PNPLA3: variants seen among roughly 807,000 people sequenced by gnomAD.
The protein encoded by PNPLA3 is patatin like domain 3, 1-acylglycerol-3-phosphate O-acyltransferase, also known as 1-acylglycerol-3-phosphate O-acyltransferase PNPLA3.
Under a neutral mutation model 43.1 loss-of-function variants are expected in PNPLA3, and 42 were observed. The ratio of observed to expected loss-of-function variants is 0.97; its 90% CI spans 0.76 to 1.26. The LOEUF (loss-of-function observed/expected upper bound fraction) is 1.26. Among genes scored for constraint, PNPLA3 ranks in the 50% most tolerant of loss-of-function variants. PNPLA3 has a pLI of 0.00. For synonymous variants in PNPLA3, 272 were observed against 253.6 expected, an observed-to-expected ratio of 1.07 and a Z score of -0.69; for missense variants, 647 against 621.4, an observed-to-expected ratio of 1.04 and a Z score of -0.44.
chr22:43,924,231 G>T, intron 1 of PNPLA3, 133 bp downstream of exon 1: 1 of 1,069,078 alleles, frequency 9.4e-7, no homozygotes, highest in East Asian at 3.2e-5. Flanking sequence ...GGTGCATCCC[G>T]AGGGCCCCCT....
At chr22:43,939,495 C>T (rs2050017265) in intron 6 of PNPLA3, 2 of 841,588 alleles carry the variant, frequency 2.4e-6, no homozygotes, top group Non-Finnish European at 1.4e-6. Context: ...CTCCCCGCTT[C>T]AGCTTCACAC....
chr22:43,940,195 A>G, intron 7 of PNPLA3, 70 bp downstream of exon 7: 1 of 1,517,278 alleles, frequency 6.6e-7, no homozygotes, highest in Non-Finnish European at 9.1e-7. Flanking sequence ...ATGATAGATC[A>G]TGGTGGCATG....
At chr22:43,929,721 C>T (rs1343279691) in intron 3 of PNPLA3, among the ~76,000 whole-genome samples, 1 of 151,118 alleles carries the variant, frequency 6.6e-6, no homozygotes, top group Non-Finnish European at 1.5e-5. Context: ...CTCAACCTCC[C>T]GAGTAGCTGG....
At chr22:43,931,051 C>G (rs999076633) in intron 3 of PNPLA3, among the ~76,000 whole-genome samples, 2 of 151,992 alleles carry the variant, frequency 1.3e-5, no homozygotes, top group Non-Finnish European at 2.9e-5. Context: ...GGTGTGAACC[C>G]GGGGGGCGGA....
chr22:43,937,109 G>A lies in PNPLA3; in HGVS notation c.816G>A (p.Glu272=). 2.5e-6 allele frequency: 4 copies of A among 1,614,120 alleles called. No individual in the cohort carries two copies. Among genetic ancestry groups the A allele is most frequent in the Non-Finnish European group, 3.4e-6 (4 of 1,180,050 alleles). The change falls in exon 6 of 9, where the codon GAG becomes GAA. Residue 272 remains glutamate (E), a synonymous_variant. Transcript: ENST00000216180. The part of the protein sequence containing the change: ...LKSSSEGMDP[E]VAMPSWANMS... ...CATCCTCAGAAGGGATGGATCCTGA[G>A]GTCGCCATGCCCAGCTGGGCAAACA...
At chr22:43,945,371 G>A (rs1439736333) in intron 8 of PNPLA3, among the ~76,000 whole-genome samples, 2 of 152,178 alleles carry the variant, frequency 1.3e-5, no homozygotes, top group African/African-American at 4.8e-5. Context: ...TCTGAATTCT[G>A]GAAACTGAGC....
In PNPLA3 at chr22:43,946,748, C is replaced by T. The variant is rs762774166; in HGVS notation, c.*366C>T. On this transcript the variant is annotated 3_prime_UTR_variant, in exon 9 of 9. Coordinates refer to ENST00000216180, the MANE Select transcript of PNPLA3 (RefSeq NM_025225.3). ...TGGGGGCCTTGTGATGGGGGGTAGG[C>T]TGGCCCATGTGTGATCTTGTGGGGT... is the stretch of plus-strand genomic sequence containing the variant. 4 of 531,310 alleles carry T rather than the reference C, an allele frequency of 7.5e-6. No individual in the cohort carries two copies. Among genetic ancestry groups the T allele is most frequent in the South Asian group, 4.2e-5 (3 of 71,628 alleles). The allele number at this position is 531,310 out of a possible 1,614,324, so 32.9% of individuals were successfully genotyped here.
chr22:43,934,601 C>A lies in PNPLA3; in HGVS notation c.697-5C>A, dbSNP rs148469440. Reference sequence around the variant, plus strand: ...CTGTAGTCCCCTTGCTTGCTTTGCTCACAGGTGCTGGGAGAGATATGCCTT... The same window carrying A: ...CTGTAGTCCCCTTGCTTGCTTTGCTAACAGGTGCTGGGAGAGATATGCCTT... On this transcript the variant is annotated splice_polypyrimidine_tract_variant and splice_region_variant and intron_variant, in intron 4 of 8. Coordinates refer to ENST00000216180, the MANE Select transcript of PNPLA3 (RefSeq NM_025225.3). 8.0e-5 allele frequency: 129 copies of A among 1,613,166 alleles called. 1 individual carries two copies. The East Asian group carries it at 2.9e-3, about 36-fold the overall frequency.
chr22:43,932,277 G>A (rs576229130), intron 3 of PNPLA3, among the ~76,000 whole-genome samples: 6 of 152,278 alleles, frequency 3.9e-5, no homozygotes. Flanking sequence ...CTGTGTTGTG[G>A]GTTAGAGGAC....
chr22:43,934,316 TAA>T (rs3083286), intron 4 of PNPLA3, among the ~76,000 whole-genome samples: 25,484 of 118,010 alleles, frequency 0.22, 2,955 homozygotes, highest in East Asian at 0.42. Context: ...GACTCTGCCT[TAA>T]AAAAAAAAAA....
chr22:43,938,744 C>T (rs1203948656), intron 6 of PNPLA3, among the ~76,000 whole-genome samples: 2 of 152,138 alleles, frequency 1.3e-5, no homozygotes, highest in African/African-American at 4.8e-5. Context: ...ACCATATGAC[C>T]AGATTAATAC....
At chr22:43,946,060 C>T (rs1394864498) in intron 8 of PNPLA3, 94 bp from the exon 9 acceptor site, 2 of 1,167,870 alleles carry the variant, frequency 1.7e-6, no homozygotes, top group Non-Finnish European at 2.5e-6. Flanking sequence ...GTGTGGTGCC[C>T]TCTACTGGCC....
rs2076213 is a variant in PNPLA3 at position 43,927,042 on chromosome 22, T to C, written c.295T>C (p.Cys99Arg). ...AAGCAAGTTCCTCCGACAGGGTCTCTGCAAATGCCTCCCGGCCAATGTCCA... is the reference window on the plus strand; with the variant it reads ...AAGCAAGTTCCTCCGACAGGGTCTCCGCAAATGCCTCCCGGCCAATGTCCA... ...NLSKFLRQGL[C>R]KCLPANVHQL... Residue 99 changes from cysteine (C) to arginine (R), a missense_variant, in exon 2 of 9, where the codon TGC becomes CGC. Cys to Arg is a radical substitution (Grantham distance 180). Transcript: ENST00000216180. 1,603 of 1,614,226 alleles carry C rather than the reference T, an allele frequency of 9.9e-4. 2 individuals carry two copies. The highest frequency in any genetic ancestry group is 1.6e-3 in the Admixed American group (98 of 60,026).
At position 43,941,405 on chromosome 22, in the gene PNPLA3, A is replaced by C. The variant is rs556388739; in HGVS notation, c.1112+1280A>C. The stretch of plus-strand genomic sequence containing the variant: ...TCAGCAGTCAGACTGCTCTTCTTCA[A>C]ATCCTGGCTGCATTGCTTACTACAG... On this transcript the variant is annotated intron_variant, in intron 7 of 8. Transcript: ENST00000216180. Among the ~76,000 whole-genome samples, 32 of 151,936 alleles carry C rather than the reference A, an allele frequency of 2.1e-4. 1 individual carries two copies. Among genetic ancestry groups the C allele is most frequent in the African/African-American group, 7.7e-4 (32 of 41,426 alleles).
At chr22:43,934,003 C>T (rs759881808) in intron 4 of PNPLA3, among the ~76,000 whole-genome samples, 1 of 152,070 alleles carries the variant, frequency 6.6e-6, no homozygotes, top group African/African-American at 2.4e-5. Flanking sequence ...AGGCTTATTC[C>T]GGGACCAAGG....
chr22:43,931,287 C>G (rs1217923810), intron 3 of PNPLA3, among the ~76,000 whole-genome samples: 1 of 152,192 alleles, frequency 6.6e-6, no homozygotes, highest in African/African-American at 2.4e-5. Flanking sequence ...CAAGCAAATT[C>G]AAAGCATTAC....
rs770758850 is a variant in PNPLA3, at chr22:43,928,826, C to T, written c.423C>T (p.Ala141=). 3 of 1,609,304 alleles carry T rather than the reference C, an allele frequency of 1.9e-6. No individual in the cohort carries two copies. In the Admixed American group the frequency reaches 5.0e-5, roughly 27 times the overall value. Residue 141 remains alanine (A), a splice_region_variant and synonymous_variant, in exon 3 of 9, where the codon GCC becomes GCT. Transcript: ENST00000216180. ...TTCTCTCTCCTTTGCTTTCACAGGC[C>T]TTGGTATGTTCCTGCTTCATCCCCT... is the stretch of plus-strand genomic sequence containing the variant. ...DFRSKDEVVD[A]LVCSCFIPFY... is the part of the protein sequence containing the mutation.
intron 7 of PNPLA3, among the ~76,000 whole-genome samples, chr22:43,941,311 T>TCCTCTGATTGGGCTG: frequency 1.4e-5 from 2 of 139,326 alleles, no homozygotes; most frequent in South Asian, 2.5e-4. Flanking sequence ...TGATTGGGTT[T>TCCTCTGATTGGGCTG]CCTCTGATTG....
chr22:43,937,133 C>T lies in PNPLA3; in HGVS notation c.840C>T (p.Asn280=). ...DPEVAMPSWA[N]MSLDSSPESA... ...AGGTCGCCATGCCCAGCTGGGCAAA[C>T]ATGAGTCTGGATTCTTCCCCGGAGT... is the stretch of plus-strand genomic sequence containing the variant. Residue 280 remains asparagine, a synonymous_variant, in exon 6 of 9, where the codon AAC becomes AAT. Coordinates refer to ENST00000216180, the MANE Select transcript of PNPLA3 (RefSeq NM_025225.3). The T allele has an allele frequency of 1.2e-6, 2 of 1,614,176 alleles. No individual in the cohort carries two copies.
Sources: gnomAD v4.1 joint callset for allele counts (sites outside exome capture counted in the v4.1 genomes callset) on GRCh38, gnomAD v4.1.1 for gene constraint, MANE v1.5 for transcripts, NCBI Gene and HGNC (gene_info 2026-07-23, HGNC 2026-07-21) for gene names.